The following MCC variants were observed in gnomAD, a reference collection of about 807,000 sequenced individuals.
MCC encodes MCC regulator of Wnt signaling pathway, also known as colorectal mutant cancer protein.
In MCC, 90 loss-of-function variants were observed where a neutral mutation model predicts 116.2. The ratio of observed to expected loss-of-function variants is 0.77; its 90% CI spans 0.65 to 0.92. The LOEUF (loss-of-function observed/expected upper bound fraction) is 0.92, where lower values mean the gene tolerates loss of function less well. MCC is among the 40% of genes least tolerant of loss of function. The pLI is 0.00. For synonymous variants in MCC, 578 were observed against 510.5 expected, an observed-to-expected ratio of 1.13 and a Z score of -1.78; for missense variants, 1,516 against 1,312.2, an observed-to-expected ratio of 1.16 and a Z score of -2.40.
intron 14 of MCC, among the ~76,000 whole-genome samples, chr5:113,060,058 G>A (rs190270187): frequency 3.0e-4 from 46 of 152,272 alleles, no homozygotes; most frequent in African/African-American, 1.1e-3. Flanking sequence ...CTTTTGCCTT[G>A]AAAATCCGTG....
At chr5:113,057,383 C>T (rs1199773652) in intron 14 of MCC, among the ~76,000 whole-genome samples, 1 of 152,066 alleles carries the variant, frequency 6.6e-6, no homozygotes, top group African/African-American at 2.4e-5. Context: ...TTGGGAGCTA[C>T]AGCAACAATT....
At chr5:113,182,703 T>C (rs1008243573) in intron 3 of MCC, among the ~76,000 whole-genome samples, 1 of 152,254 alleles carries the variant, frequency 6.6e-6, no homozygotes, top group African/African-American at 2.4e-5. Context: ...ACAGTGAGTT[T>C]TGCATTTACA....
chr5:113,163,977 CTA>C (rs1760639618), intron 3 of MCC, among the ~76,000 whole-genome samples: 1 of 152,066 alleles, frequency 6.6e-6, no homozygotes, highest in Non-Finnish European at 1.5e-5. Flanking sequence ...TGTATTTTTT[CTA>C]TAATAAACAT....
At chr5:113,065,432 C>T (rs546936881) in intron 13 of MCC, among the ~76,000 whole-genome samples, 2 of 152,286 alleles carry the variant, frequency 1.3e-5, no homozygotes, top group African/African-American at 4.8e-5. Context: ...TGGTTTGCTA[C>T]CTGTACAGCA....
chr5:113,277,462 C>T (rs987877718), intron 3 of MCC, among the ~76,000 whole-genome samples: 8 of 152,100 alleles, frequency 5.3e-5, no homozygotes, highest in African/African-American at 1.4e-4. Flanking sequence ...TGAATATGCA[C>T]TATTTTTATG....
intron 1 of MCC, among the ~76,000 whole-genome samples, chr5:113,477,916 G>C (rs1245456784): frequency 6.6e-6 from 1 of 152,170 alleles, no homozygotes; most frequent in Non-Finnish European, 1.5e-5. Flanking sequence ...CAAAGAAGCA[G>C]AAAACAGTTC....
intron 3 of MCC, among the ~76,000 whole-genome samples, chr5:113,174,550 A>G (rs76101478): frequency 0.046 from 6,961 of 152,242 alleles, 219 homozygotes; most frequent in South Asian, 0.056. Context: ...AAAGAATGGT[A>G]TATTGAAGAC....
chr5:113,203,584 C>T (rs778980043), intron 3 of MCC, among the ~76,000 whole-genome samples: 1 of 152,142 alleles, frequency 6.6e-6, no homozygotes, highest in Non-Finnish European at 1.5e-5. Context: ...CAAGATAAGC[C>T]GGATCACTTG....
intron 3 of MCC, among the ~76,000 whole-genome samples, chr5:113,152,988 T>C (rs755671316): frequency 6.6e-6 from 1 of 152,164 alleles, no homozygotes; most frequent in African/African-American, 2.4e-5. Context: ...TCCCGTTGTA[T>C]AGTCTTGTTG....
chr5:113,031,752 C>G (rs753347159), intron 17 of MCC, among the ~76,000 whole-genome samples: 1 of 152,136 alleles, frequency 6.6e-6, no homozygotes. Context: ...CAAGACAAAA[C>G]GCTTCCTTCC....
At chr5:113,460,024 T>C (rs1771702725) in intron 1 of MCC, among the ~76,000 whole-genome samples, 1 of 152,110 alleles carries the variant, frequency 6.6e-6, no homozygotes, top group South Asian at 2.1e-4. Flanking sequence ...AAAGGGAAAA[T>C]AAACTGAAGC....
intron 1 of MCC, among the ~76,000 whole-genome samples, chr5:113,478,085 C>T (rs927269043): frequency 6.6e-6 from 1 of 152,138 alleles, no homozygotes; most frequent in African/African-American, 2.4e-5. Flanking sequence ...AATGCAATAC[C>T]ACTCCACTTT....
At chr5:113,333,298 T>C (rs921008990) in intron 3 of MCC, among the ~76,000 whole-genome samples, 8 of 151,742 alleles carry the variant, frequency 5.3e-5, no homozygotes, top group African/African-American at 2.4e-5. Context: ...ATAACGACTA[T>C]ATTAATAATT....
chr5:113,319,289 C>T (rs970274214), intron 3 of MCC, among the ~76,000 whole-genome samples: 5 of 152,172 alleles, frequency 3.3e-5, no homozygotes, highest in Admixed American at 6.5e-5. Context: ...ATCCTGGGGC[C>T]GGCCTTTTCC....
intron 3 of MCC, among the ~76,000 whole-genome samples, chr5:113,191,122 T>C (rs901654069): frequency 3.3e-5 from 5 of 152,166 alleles, no homozygotes; most frequent in African/African-American, 9.6e-5. Flanking sequence ...CTCCATTACA[T>C]TCAAGTTCTC....
intron 3 of MCC, among the ~76,000 whole-genome samples, chr5:113,285,987 A>G (rs985092395): frequency 6.6e-6 from 1 of 152,240 alleles, no homozygotes; most frequent in Non-Finnish European, 1.5e-5. Flanking sequence ...AATCCAACAC[A>G]TCTGTCACAG....
At chr5:113,273,884 CTCCT>C (rs1362165254) in intron 3 of MCC, among the ~76,000 whole-genome samples, 1 of 152,114 alleles carries the variant, frequency 6.6e-6, no homozygotes, top group Non-Finnish European at 1.5e-5. Context: ...CTGTTCCTGT[CTCCT>C]TCCTTCATCT....
At chr5:113,372,954 G>A (rs538266440) in intron 2 of MCC, among the ~76,000 whole-genome samples, 136 of 152,218 alleles carry the variant, frequency 8.9e-4, no homozygotes, top group African/African-American at 2.8e-3. Context: ...CGAGGCGGGC[G>A]GTTCACGTGG....
At chr5:113,154,195 C>G (rs556766655) in intron 3 of MCC, among the ~76,000 whole-genome samples, 53 of 152,282 alleles carry the variant, frequency 3.5e-4, no homozygotes, top group Middle Eastern at 3.4e-3. Flanking sequence ...AATAAAGTGA[C>G]TGTTTTCTGC....
Sources: gnomAD v4.1 joint callset for allele counts (sites outside exome capture counted in the v4.1 genomes callset) on GRCh38, gnomAD v4.1.1 for gene constraint, MANE v1.5 for transcripts, NCBI Gene and HGNC (gene_info 2026-07-23, HGNC 2026-07-21) for gene names.